Variants in RARB observed in about 807,000 individuals in gnomAD.
RARB encodes the protein HBV-activated protein.
Under a neutral mutation model 51.9 loss-of-function variants are expected in RARB, and 17 were observed. That is an observed-to-expected ratio of 0.33 (90% confidence interval 0.22 to 0.49). The LOEUF is 0.49. Ranked by LOEUF, RARB falls within the 20% of genes least tolerant of loss-of-function variation. The pLI is 0.99. For synonymous variants in RARB, 215 were observed against 195.4 expected, an observed-to-expected ratio of 1.10 and a Z score of -0.84; for missense variants, 369 against 550.8, an observed-to-expected ratio of 0.67 and a Z score of 3.30.
At chr3:24,939,189 G>A (rs933885013) in intron 2 of RARB, among the ~76,000 whole-genome samples, 1 of 152,030 alleles carries the variant, frequency 6.6e-6, no homozygotes, top group Admixed American at 6.6e-5. Flanking sequence ...TCATTGTGTT[G>A]GCCAGGCTTC....
chr3:24,920,159 G>T (rs768187431), intron 2 of RARB, among the ~76,000 whole-genome samples: 12 of 152,190 alleles, frequency 7.9e-5, no homozygotes, highest in South Asian at 2.1e-4. Flanking sequence ...AAGAGGTCCT[G>T]CTGGGACTAC....
intron 2 of RARB, among the ~76,000 whole-genome samples, chr3:24,881,218 C>T (rs966106542): frequency 3.7e-4 from 57 of 152,218 alleles, no homozygotes; most frequent in African/African-American, 1.4e-3. Flanking sequence ...CTTCCCCAGC[C>T]ATGCAGAACT....
chr3:25,593,942 CCA>C (rs151074708), intron 6 of RARB, among the ~76,000 whole-genome samples: 1,737 of 152,142 alleles, frequency 0.011, 28 homozygotes, highest in African/African-American at 0.038. Flanking sequence ...ACTCCAATTG[CCA>C]CAGATTTTTT....
intron 2 of RARB, among the ~76,000 whole-genome samples, chr3:24,994,817 G>C (rs1001676143): frequency 6.6e-6 from 1 of 151,956 alleles, no homozygotes; most frequent in Non-Finnish European, 1.5e-5. Flanking sequence ...GGATGGATTT[G>C]TACCTGGATT....
chr3:25,040,621 C>T (rs141424190), intron 2 of RARB, among the ~76,000 whole-genome samples: 4 of 151,932 alleles, frequency 2.6e-5, no homozygotes, highest in African/African-American at 4.8e-5. Flanking sequence ...TTGTCCTGCT[C>T]GGGAGACTGA....
rs116699569 is a variant in RARB, at chr3:25,128,107, G to A, written c.-327-4054G>A. Reference sequence around the variant, plus strand: ...AGAATAAAGTACTCTGGTTCACTGGGGTATTTAATTCCTGCTTTTCTTAGG... The same window carrying A: ...AGAATAAAGTACTCTGGTTCACTGGAGTATTTAATTCCTGCTTTTCTTAGG... On this transcript the variant is annotated intron_variant, in intron 3 of 11. Coordinates refer to the RARB transcript ENST00000383772. Among the ~76,000 whole-genome samples the A allele has an allele frequency of 6.7e-3, 1,012 of 152,060 alleles. 8 individuals are homozygous for A. Among genetic ancestry groups the A allele is most frequent in the African/African-American group, 0.022 (921 of 41,470 alleles).
At chr3:24,933,281 CA>C (rs968992362) in intron 2 of RARB, among the ~76,000 whole-genome samples, 6 of 146,022 alleles carry the variant, frequency 4.1e-5, no homozygotes, top group Admixed American at 2.0e-4. Context: ...TTTCACTATA[CA>C]TTTTTTTTTT....
At chr3:25,404,104 G>A (rs1159970515) in intron 5 of RARB, among the ~76,000 whole-genome samples, 6 of 152,102 alleles carry the variant, frequency 3.9e-5, no homozygotes, top group Admixed American at 6.5e-5. Flanking sequence ...TCAACTGCTC[G>A]ATTCTGATTT....
At chr3:25,249,666 T>A (rs1486554959) in intron 5 of RARB, among the ~76,000 whole-genome samples, 1 of 150,806 alleles carries the variant, frequency 6.6e-6, no homozygotes, top group African/African-American at 2.4e-5. Context: ...TATGCAGTAG[T>A]GTAGTCTCTG....
intron 4 of RARB, among the ~76,000 whole-genome samples, chr3:25,139,858 A>G (rs1700082750): frequency 6.6e-6 from 1 of 152,190 alleles, no homozygotes; most frequent in Non-Finnish European, 1.5e-5. Context: ...CTCATTGATC[A>G]TTCCAAAAGT....
intron 5 of RARB, among the ~76,000 whole-genome samples, chr3:25,383,930 CAAA>C (rs11401651): frequency 1.6e-5 from 2 of 128,620 alleles, no homozygotes; most frequent in Admixed American, 8.0e-5. Flanking sequence ...GACTTTGTCT[CAAA>C]AAAAAAAAAA....
intron 2 of RARB, among the ~76,000 whole-genome samples, chr3:25,053,125 A>G (rs1185446527): frequency 6.6e-6 from 1 of 152,098 alleles, no homozygotes; most frequent in Admixed American, 6.6e-5. Flanking sequence ...AGGGGGAGAG[A>G]TTATAGTTTT....
chr3:24,932,655 A>G (rs1166037035), intron 2 of RARB, among the ~76,000 whole-genome samples: 1 of 152,102 alleles, frequency 6.6e-6, no homozygotes, highest in Non-Finnish European at 1.5e-5. Flanking sequence ...ATATTTTTAG[A>G]TTTAGAAAAA....
At chr3:25,441,307 C>G (rs1235287263) in intron 1 of RARB, 1 of 388,740 alleles carries the variant, frequency 2.6e-6, no homozygotes, top group Admixed American at 3.2e-5. Context: ...GTTTTAAAGT[C>G]CTGAGCAATT....
chr3:25,387,170 A>G (rs186828040), intron 5 of RARB, among the ~76,000 whole-genome samples: 4 of 152,348 alleles, frequency 2.6e-5, no homozygotes, highest in Admixed American at 6.5e-5. Context: ...TTGAAGATGC[A>G]CAACAGAAAC....
intron 2 of RARB, among the ~76,000 whole-genome samples, chr3:24,987,654 G>C (rs905543760): frequency 6.6e-5 from 10 of 152,196 alleles, no homozygotes; most frequent in Admixed American, 6.5e-5. Context: ...AAATATATGG[G>C]AAGATTATTT....
At chr3:24,861,657 T>G (rs373028179) in intron 2 of RARB, among the ~76,000 whole-genome samples, 1 of 151,574 alleles carries the variant, frequency 6.6e-6, no homozygotes, top group East Asian at 1.9e-4. Flanking sequence ...CGTGGAAGAT[T>G]TCCCCCACAG....
chr3:25,551,470 A>G (rs1320627440), intron 3 of RARB, among the ~76,000 whole-genome samples: 1 of 152,158 alleles, frequency 6.6e-6, no homozygotes, highest in Admixed American at 6.5e-5. Flanking sequence ...CATTTGACTC[A>G]TGGGCCCTCA....
At chr3:24,974,609 C>T (rs994295972) in intron 2 of RARB, among the ~76,000 whole-genome samples, 1 of 152,050 alleles carries the variant, frequency 6.6e-6, no homozygotes, top group Non-Finnish European at 1.5e-5. Flanking sequence ...TATTCCCTCC[C>T]AGTAAGGCTG....
Sources: gnomAD v4.1 joint callset for allele counts (sites outside exome capture counted in the v4.1 genomes callset) on GRCh38, gnomAD v4.1.1 for gene constraint, MANE v1.5 for transcripts, NCBI Gene and HGNC (gene_info 2026-07-23, HGNC 2026-07-21) for gene names.